The following GNAQ variants were observed in gnomAD, a reference collection of about 807,000 sequenced individuals.
GNAQ encodes the protein G protein subunit alpha q.
In GNAQ, 8 loss-of-function variants were observed where a neutral mutation model predicts 43.9. That is an observed-to-expected ratio of 0.18 (90% CI 0.11 to 0.33). The LOEUF (loss-of-function observed/expected upper bound fraction) is 0.33. Ranked by LOEUF, GNAQ falls within the 10% of genes least tolerant of loss-of-function variation. The pLI, the probability that GNAQ is intolerant of heterozygous loss-of-function variation, is 1.00. For synonymous variants in GNAQ, 155 were observed against 170.7 expected, an observed-to-expected ratio of 0.91 and a Z score of 0.71; for missense variants, 158 against 450.8, an observed-to-expected ratio of 0.35 and a Z score of 5.88.
At position 78,029,538 on chromosome 9, in the gene GNAQ, CTCTT is replaced by C. The variant is rs537559530; in HGVS notation, c.136+1558_136+1561del. Among the ~76,000 whole-genome samples, 46 of 152,210 alleles carry C rather than the reference CTCTT, an allele frequency of 3.0e-4. No homozygotes were observed. The South Asian group carries it at 8.7e-3, about 29-fold the overall frequency. ...CCTGGCTTCATTCCCCTAAGCCCAA[CTCTT>C]TCATCCAGTGCTTTTGCCTTCTGCT... On this transcript the variant is annotated intron_variant, in intron 1 of 6. Transcript: ENST00000286548.
At chr9:77,724,663 T>G (rs1587883967) in intron 6 of GNAQ, among the ~76,000 whole-genome samples, 4 of 152,148 alleles carry the variant, frequency 2.6e-5, no homozygotes, top group Admixed American at 2.6e-4. Flanking sequence ...TGGAGATTAC[T>G]CCAATAAACT....
At chr9:77,733,690 A>G (rs1210592215) in intron 5 of GNAQ, among the ~76,000 whole-genome samples, 1 of 152,196 alleles carries the variant, frequency 6.6e-6, no homozygotes. Context: ...GATGCTGGGC[A>G]TGAGCATGCT....
chr9:78,012,101 T>C (rs1823780133), intron 1 of GNAQ, among the ~76,000 whole-genome samples: 1 of 152,176 alleles, frequency 6.6e-6, no homozygotes, highest in Non-Finnish European at 1.5e-5. Context: ...CACAGACTTA[T>C]CAAATCTATC....
chr9:77,935,618 C>T (rs1052105241), intron 1 of GNAQ, among the ~76,000 whole-genome samples: 7 of 152,160 alleles, frequency 4.6e-5, no homozygotes, highest in African/African-American at 1.7e-4. Flanking sequence ...TTGTGTGTTC[C>T]ACATGTGCTG....
At chr9:77,987,105 C>G (rs1415184026) in intron 1 of GNAQ, among the ~76,000 whole-genome samples, 1 of 152,144 alleles carries the variant, frequency 6.6e-6, no homozygotes, top group Non-Finnish European at 1.5e-5. Context: ...GCCACTTGTT[C>G]TTCCTTTTCT....
chr9:77,862,332 C>G (rs1827868209), intron 2 of GNAQ, among the ~76,000 whole-genome samples: 1 of 152,160 alleles, frequency 6.6e-6, no homozygotes, highest in Non-Finnish European at 1.5e-5. Context: ...AGGGCCCCAC[C>G]CTGCAGCAAA....
chr9:77,780,793 T>C (rs1826383196), intron 5 of GNAQ, among the ~76,000 whole-genome samples: 1 of 152,054 alleles, frequency 6.6e-6, no homozygotes, highest in Non-Finnish European at 1.5e-5. Context: ...GTCTTTTTGA[T>C]AATGGCCTTC....
intron 2 of GNAQ, among the ~76,000 whole-genome samples, chr9:77,857,205 T>C (rs1013852108): frequency 5.3e-5 from 8 of 152,196 alleles, no homozygotes; most frequent in African/African-American, 1.9e-4. Flanking sequence ...TCATCACCGT[T>C]GGTATTAGCA....
chr9:77,799,405 T>C (rs1479394622), intron 3 of GNAQ, among the ~76,000 whole-genome samples: 4 of 152,162 alleles, frequency 2.6e-5, no homozygotes, highest in African/African-American at 9.7e-5. Context: ...CTACCCAGGG[T>C]AGGGACTCTG....
chr9:77,782,775 T>C (rs1826414575), intron 5 of GNAQ, among the ~76,000 whole-genome samples: 1 of 152,212 alleles, frequency 6.6e-6, no homozygotes, highest in African/African-American at 2.4e-5. Flanking sequence ...ATGGATAAAT[T>C]GTATTACATC....
chr9:77,837,382 G>A (rs889982430), intron 2 of GNAQ, among the ~76,000 whole-genome samples: 2 of 151,804 alleles, frequency 1.3e-5, no homozygotes, highest in African/African-American at 4.8e-5. Context: ...TGAGACCCCC[G>A]TCTCTACTAG....
At chr9:77,963,047 T>C (rs950782669) in intron 1 of GNAQ, among the ~76,000 whole-genome samples, 9 of 152,084 alleles carry the variant, frequency 5.9e-5, no homozygotes, top group Non-Finnish European at 1.2e-4. Flanking sequence ...AAGATACTGG[T>C]TTGAAAAACG....
chr9:77,922,165 T>C lies in GNAQ; in HGVS notation c.317A>G (p.Asn106Ser), dbSNP rs1829007782. ...CCAATGAAGAGTCGCACCTACCTTA[T>C]TGTGCTCATACTTGTATGGGATCTT... The part of the protein sequence containing the change: ...TLKIPYKYEH[N>S]KAHAQLVREV... The change falls in exon 2 of 7, where the codon AAT becomes AGT. Residue 106 changes from asparagine (N) to serine (S), a missense_variant. By Grantham distance (46) the Asn-to-Ser change is conservative. Coordinates refer to ENST00000286548, the MANE Select transcript of GNAQ (RefSeq NM_002072.5). The C allele has an allele frequency of 1.9e-6, 3 of 1,602,294 alleles. No homozygotes were observed. The highest frequency in any genetic ancestry group is 1.7e-5 in the Admixed American group (1 of 59,762).
chr9:78,016,014 GT>G (rs895402149), intron 1 of GNAQ, among the ~76,000 whole-genome samples: 3 of 151,984 alleles, frequency 2.0e-5, no homozygotes, highest in Admixed American at 2.0e-4. Flanking sequence ...AAAAGAATAC[GT>G]TTTTTTCAAC....
At chr9:77,967,521 T>C (rs895034053) in intron 1 of GNAQ, among the ~76,000 whole-genome samples, 24 of 152,254 alleles carry the variant, frequency 1.6e-4, no homozygotes, top group African/African-American at 5.3e-4. Flanking sequence ...TACTACAACA[T>C]GGATAACCCT....
chr9:77,727,351 T>C (rs959467463), intron 6 of GNAQ, among the ~76,000 whole-genome samples: 4 of 152,224 alleles, frequency 2.6e-5, no homozygotes, highest in Admixed American at 6.5e-5. Flanking sequence ...GTCGTGACTC[T>C]CACTTGTTTT....
chr9:77,886,664 T>A (rs952909597), intron 2 of GNAQ, among the ~76,000 whole-genome samples: 1 of 152,174 alleles, frequency 6.6e-6, no homozygotes, highest in Admixed American at 6.5e-5. Flanking sequence ...ATAAACTTTA[T>A]TGTGAACTGA....
chr9:77,876,748 A>C (rs1049386359), intron 2 of GNAQ, among the ~76,000 whole-genome samples: 3 of 152,192 alleles, frequency 2.0e-5, no homozygotes, highest in Non-Finnish European at 4.4e-5. Context: ...CAAAAGAAGA[A>C]GGCGGGACTT....
intron 3 of GNAQ, among the ~76,000 whole-genome samples, chr9:77,802,566 A>T (rs1386569510): frequency 1.3e-5 from 2 of 151,902 alleles, no homozygotes; most frequent in Non-Finnish European, 2.9e-5. Flanking sequence ...AAAAAAAACC[A>T]CACCGAGGTC....
Sources: allele counts gnomAD v4.1 joint callset (sites outside exome capture counted in the v4.1 genomes callset), GRCh38; gene constraint gnomAD v4.1.1; transcripts MANE v1.5; gene names NCBI Gene and HGNC (gene_info 2026-07-23, HGNC 2026-07-21).